GRID1: variants seen among roughly 807,000 people sequenced by gnomAD.
GRID1 encodes the protein glutamate receptor ionotropic, delta-1.
In GRID1, 28 loss-of-function variants were observed where a neutral mutation model predicts 98.0. The ratio of observed to expected loss-of-function variants is 0.29; its 90% confidence interval spans 0.21 to 0.39. The LOEUF is 0.39. GRID1 is among the 10% of genes least tolerant of loss of function. GRID1 has a pLI of 1.00. For synonymous variants in GRID1, 553 were observed against 538.5 expected, an observed-to-expected ratio of 1.03 and a Z score of -0.37; for missense variants, 1,111 against 1,340.5, an observed-to-expected ratio of 0.83 and a Z score of 2.67.
chr10:85,764,292 C>T (rs994669399), intron 8 of GRID1, among the ~76,000 whole-genome samples: 3 of 152,164 alleles, frequency 2.0e-5, no homozygotes, highest in South Asian at 2.1e-4. Context: ...AGAATCCCCC[C>T]GAGGAGTGGA....
intron 4 of GRID1, among the ~76,000 whole-genome samples, chr10:86,024,364 C>T (rs769577471): frequency 1.6e-4 from 24 of 152,206 alleles, no homozygotes; most frequent in Non-Finnish European, 3.2e-4. Context: ...GCAGCAATCA[C>T]GGTGTGTAGG....
intron 5 of GRID1, among the ~76,000 whole-genome samples, chr10:85,893,705 A>G (rs755139318): frequency 3.9e-5 from 6 of 152,356 alleles, no homozygotes; most frequent in South Asian, 4.1e-4. Context: ...AGTGTAAAAC[A>G]TTGCTAAAAA....
At chr10:86,279,549 C>T (rs189858298) in intron 2 of GRID1, among the ~76,000 whole-genome samples, 39 of 152,166 alleles carry the variant, frequency 2.6e-4, no homozygotes, top group African/African-American at 7.5e-4. Flanking sequence ...TTGACTATTC[C>T]GAAATCAATC....
intron 8 of GRID1, among the ~76,000 whole-genome samples, chr10:85,828,450 G>C (rs996641188): frequency 1.3e-5 from 2 of 151,928 alleles, no homozygotes; most frequent in Admixed American, 6.6e-5. Context: ...AATCAGAGCT[G>C]CACTGAATGA....
intron 4 of GRID1, among the ~76,000 whole-genome samples, chr10:85,991,026 G>C (rs140140198): frequency 8.2e-4 from 125 of 152,224 alleles, no homozygotes; most frequent in African/African-American, 2.9e-3. Context: ...TAGGAAGCAC[G>C]ATCTTGTACC....
At chr10:86,363,808 C>A in intron 2 of GRID1, 133 bp downstream of exon 2, 4 of 737,548 alleles carry the variant, frequency 5.4e-6, no homozygotes, top group Non-Finnish European at 8.7e-6. Flanking sequence ...CGCGCCACCG[C>A]GCATGGCACC....
chr10:85,708,326 C>T (rs1442358436), intron 12 of GRID1, among the ~76,000 whole-genome samples: 1 of 151,778 alleles, frequency 6.6e-6, no homozygotes, highest in Non-Finnish European at 1.5e-5. Context: ...ATGGCGTGAG[C>T]CCAGGAGGCG....
At chr10:86,295,536 G>A (rs778869020) in intron 2 of GRID1, among the ~76,000 whole-genome samples, 3 of 152,170 alleles carry the variant, frequency 2.0e-5, no homozygotes, top group Non-Finnish European at 2.9e-5. Flanking sequence ...TCTGCTGCTC[G>A]GGGCTGTGGC....
chr10:86,048,921 G>A (rs1843462444), intron 4 of GRID1, among the ~76,000 whole-genome samples: 1 of 152,192 alleles, frequency 6.6e-6, no homozygotes, highest in Middle Eastern at 3.2e-3. Context: ...AATGGAAATG[G>A]TAATTGACCT....
At chr10:86,143,797 T>C (rs564834910) in intron 3 of GRID1, among the ~76,000 whole-genome samples, 1 of 152,214 alleles carries the variant, frequency 6.6e-6, no homozygotes, top group South Asian at 2.1e-4. Flanking sequence ...AGGGAGGAGC[T>C]CCCTAGAGAG....
intron 3 of GRID1, among the ~76,000 whole-genome samples, chr10:86,165,946 C>A (rs539748700): frequency 3.5e-4 from 54 of 152,294 alleles, no homozygotes; most frequent in African/African-American, 1.3e-3. Flanking sequence ...AGGCTCCGGT[C>A]ATGCTGATTG....
intron 4 of GRID1, among the ~76,000 whole-genome samples, chr10:85,956,663 C>T (rs78023732): frequency 0.043 from 6,549 of 152,164 alleles, 446 homozygotes; most frequent in African/African-American, 0.15. Flanking sequence ...CAGCACTTTG[C>T]AAACTCTAAT....
At chr10:85,642,877 G>A (rs962651090) in intron 13 of GRID1, among the ~76,000 whole-genome samples, 17 of 152,260 alleles carry the variant, frequency 1.1e-4, no homozygotes, top group African/African-American at 4.1e-4. Context: ...GAAAAATAAG[G>A]AAGTGTTTCT....
At chr10:85,677,051 T>C (rs1273953901) in intron 12 of GRID1, among the ~76,000 whole-genome samples, 1 of 152,194 alleles carries the variant, frequency 6.6e-6, no homozygotes, top group Non-Finnish European at 1.5e-5. Context: ...GGACTGAAGA[T>C]TCTAAACTCT....
intron 4 of GRID1, among the ~76,000 whole-genome samples, chr10:86,082,491 C>T (rs915087857): frequency 2.0e-5 from 3 of 152,204 alleles, no homozygotes; most frequent in African/African-American, 7.2e-5. Context: ...ACCCTGTCCT[C>T]ATCATCTCTC....
At chr10:85,735,135 T>A (rs1163241464) in intron 8 of GRID1, among the ~76,000 whole-genome samples, 1 of 152,186 alleles carries the variant, frequency 6.6e-6, no homozygotes, top group Non-Finnish European at 1.5e-5. Context: ...CTACTCTGAC[T>A]TCCCCTTGTA....
chr10:85,998,355 C>T (rs1423106772), intron 4 of GRID1, among the ~76,000 whole-genome samples: 1 of 151,832 alleles, frequency 6.6e-6, no homozygotes, highest in South Asian at 2.1e-4. Context: ...AAGAAAATAT[C>T]CGAACACTTG....
chr10:86,236,630 T>C lies in GRID1; in HGVS notation c.236-29982A>G, dbSNP rs190635087. On this transcript the variant is annotated intron_variant, in intron 2 of 15. Coordinates refer to ENST00000327946, the MANE Select transcript of GRID1 (RefSeq NM_017551.3). The stretch of plus-strand genomic sequence containing the variant: ...CACCTGCATACATCATCAATGACAC[T>C]AGCTCCAGTCTTCACACAGCAAAGT... Among the ~76,000 whole-genome samples, 92 of 152,274 alleles carry C rather than the reference T, an allele frequency of 6.0e-4. 1 individual carries two copies. The highest frequency in any genetic ancestry group is 1.3e-4 in the Non-Finnish European group (9 of 68,020).
chr10:86,068,401 C>A (rs541434140), intron 4 of GRID1, among the ~76,000 whole-genome samples: 2 of 152,200 alleles, frequency 1.3e-5, no homozygotes, highest in East Asian at 1.9e-4. Flanking sequence ...AACTTCCCCC[C>A]ACTGAGGAGT....
Sources: allele counts gnomAD v4.1 joint callset (sites outside exome capture counted in the v4.1 genomes callset), GRCh38; gene constraint gnomAD v4.1.1; transcripts MANE v1.5; gene names NCBI Gene and HGNC (gene_info 2026-07-23, HGNC 2026-07-21).